TRPM3: variants seen among roughly 807,000 people sequenced by gnomAD.
TRPM3 encodes long transient receptor potential channel 3.
Under a neutral mutation model 181.2 loss-of-function variants are expected in TRPM3, and 77 were observed. The ratio of observed to expected loss-of-function variants is 0.42; its 90% CI spans 0.35 to 0.51. The LOEUF is 0.51. Among genes scored for constraint, TRPM3 ranks in the 20% least tolerant of loss-of-function variants. The pLI is 0.01. For missense variants in TRPM3, 1,759 were observed against 2,196.7 expected (o/e 0.80, Z 3.98); for synonymous variants, 745 against 796.4 (o/e 0.94, Z 1.09).
At chr9:70,916,476 C>G (rs552594747) in intron 1 of TRPM3, among the ~76,000 whole-genome samples, 4 of 152,044 alleles carry the variant, frequency 2.6e-5, no homozygotes, top group African/African-American at 9.7e-5. Flanking sequence ...ATAGAAACAA[C>G]AAAAAGTTAA....
chr9:70,839,021 A>G (rs1365151494), intron 5 of TRPM3, among the ~76,000 whole-genome samples: 1 of 151,964 alleles, frequency 6.6e-6, no homozygotes, highest in Middle Eastern at 3.2e-3. Flanking sequence ...CTCACCTTCC[A>G]CCTTCCACCT....
intron 1 of TRPM3, among the ~76,000 whole-genome samples, chr9:71,280,078 CA>C (rs36019274): frequency 0.35 from 36,715 of 105,502 alleles, 4,393 homozygotes; most frequent in Middle Eastern, 0.49. Flanking sequence ...AACTCCATCT[CA>C]AAAAAAAAAA....
chr9:71,203,773 G>A (rs1017009361), intron 1 of TRPM3, among the ~76,000 whole-genome samples: 1 of 152,058 alleles, frequency 6.6e-6, no homozygotes, highest in Non-Finnish European at 1.5e-5. Flanking sequence ...ACAAGTATTG[G>A]CTGTCATCAT....
chr9:71,165,478 G>C (rs2076495438), intron 1 of TRPM3, among the ~76,000 whole-genome samples: 1 of 152,100 alleles, frequency 6.6e-6, no homozygotes, highest in Non-Finnish European at 1.5e-5. Flanking sequence ...ACTTCTAACA[G>C]CATGTTGAGT....
At chr9:71,109,872 C>G (rs2070663265) in intron 1 of TRPM3, among the ~76,000 whole-genome samples, 1 of 152,206 alleles carries the variant, frequency 6.6e-6, no homozygotes, top group African/African-American at 2.4e-5. Context: ...TTGTTCACAG[C>G]GTTGCTATGA....
At chr9:71,328,182 T>C (rs2089843920) in intron 1 of TRPM3, among the ~76,000 whole-genome samples, 1 of 152,132 alleles carries the variant, frequency 6.6e-6, no homozygotes, top group Non-Finnish European at 1.5e-5. Context: ...TTGTTTGTTT[T>C]GAGATGGAGT....
intron 1 of TRPM3, among the ~76,000 whole-genome samples, chr9:71,334,112 G>A (rs1401859060): frequency 6.6e-6 from 1 of 151,688 alleles, no homozygotes; most frequent in Non-Finnish European, 1.5e-5. Context: ...AGTATAACAT[G>A]CCAACAGAGA....
chr9:70,981,152 T>G (rs1490495365), intron 1 of TRPM3, among the ~76,000 whole-genome samples: 9 of 152,158 alleles, frequency 5.9e-5, no homozygotes. Context: ...TCACTTCTAG[T>G]GACAAAGCTG....
At chr9:70,844,376 T>C (rs1186594951) in intron 4 of TRPM3, among the ~76,000 whole-genome samples, 1 of 152,186 alleles carries the variant, frequency 6.6e-6, no homozygotes, top group African/African-American at 2.4e-5. Flanking sequence ...TTGGAAAGAA[T>C]ATCATTTTCA....
chr9:70,685,581 C>T (rs2066539086), intron 8 of TRPM3, among the ~76,000 whole-genome samples: 1 of 151,982 alleles, frequency 6.6e-6, no homozygotes, highest in Non-Finnish European at 1.5e-5. Flanking sequence ...AAATTTTTAA[C>T]TTTTTGTAGA....
intron 1 of TRPM3, among the ~76,000 whole-genome samples, chr9:71,310,491 A>G (rs2087817656): frequency 6.6e-6 from 1 of 152,092 alleles, no homozygotes; most frequent in African/African-American, 2.4e-5. Context: ...AGGGTAAATT[A>G]TCAGGCTCTT....
chr9:71,409,205 G>A (rs527641791), intron 1 of TRPM3, among the ~76,000 whole-genome samples: 21 of 152,198 alleles, frequency 1.4e-4, no homozygotes, highest in South Asian at 1.2e-3. Flanking sequence ...ATCAACTACC[G>A]AGCAAAATAA....
intron 1 of TRPM3, among the ~76,000 whole-genome samples, chr9:71,303,252 A>C (rs777242416): frequency 6.6e-6 from 1 of 152,234 alleles, no homozygotes; most frequent in Non-Finnish European, 1.5e-5. Context: ...GAAGAGAACA[A>C]ATTACTGTGA....
At chr9:71,243,190 C>T (rs1205527220) in intron 1 of TRPM3, among the ~76,000 whole-genome samples, 2 of 152,130 alleles carry the variant, frequency 1.3e-5, no homozygotes, top group African/African-American at 2.4e-5. Flanking sequence ...TACAGGCACC[C>T]GCAACTACGC....
chr9:71,301,964 A>C (rs1266283039), intron 1 of TRPM3, among the ~76,000 whole-genome samples: 2 of 152,156 alleles, frequency 1.3e-5, no homozygotes, highest in South Asian at 2.1e-4. Flanking sequence ...ATCCTCCTTC[A>C]AATTTTGCTC....
At chr9:71,012,312 A>G (rs1337193978) in intron 1 of TRPM3, among the ~76,000 whole-genome samples, 1 of 151,974 alleles carries the variant, frequency 6.6e-6, no homozygotes, top group Non-Finnish European at 1.5e-5. Context: ...TTCCATATAC[A>G]TGTGAGTTTA....
At chr9:71,378,311 A>G (rs1186984460) in intron 1 of TRPM3, among the ~76,000 whole-genome samples, 3 of 152,154 alleles carry the variant, frequency 2.0e-5, no homozygotes, top group Admixed American at 6.6e-5. Context: ...AAATACCAAG[A>G]GTTGGCAAGA....
At chr9:71,127,292 AAC>A (rs60199233) in intron 1 of TRPM3, among the ~76,000 whole-genome samples, 33 of 143,598 alleles carry the variant, frequency 2.3e-4, no homozygotes, top group Middle Eastern at 3.7e-3. Context: ...AGCTGACCAA[AAC>A]ACACACACAC....
At chr9:70,597,802 A>G (rs1442464530) in intron 21 of TRPM3, among the ~76,000 whole-genome samples, 1 of 152,222 alleles carries the variant, frequency 6.6e-6, no homozygotes, top group East Asian at 1.9e-4. Context: ...ATGATGCATG[A>G]TAGAACTTAA....
Sources: allele counts gnomAD v4.1 joint callset (sites outside exome capture counted in the v4.1 genomes callset), GRCh38; gene constraint gnomAD v4.1.1; transcripts MANE v1.5; gene names NCBI Gene and HGNC (gene_info 2026-07-23, HGNC 2026-07-21).